CTBP2: variants seen among roughly 807,000 people sequenced by gnomAD.
The protein encoded by CTBP2 is C-terminal-binding protein 2.
CTBP2 carries 30 observed loss-of-function variants against 80.3 expected under a neutral mutation model. The observed-to-expected ratio is 0.37, with a 90% CI of 0.28 to 0.51. The LOEUF (loss-of-function observed/expected upper bound fraction) is 0.51. CTBP2 is among the 20% of genes least tolerant of loss of function. The pLI, the probability that CTBP2 is intolerant of heterozygous loss-of-function variation, is 0.93. For synonymous variants in CTBP2, 594 were observed against 587.4 expected (o/e 1.01, Z -0.16); for missense variants, 1,212 against 1,375.3 (o/e 0.88, Z 1.88).
intron 2 of CTBP2, among the ~76,000 whole-genome samples, chr10:125,043,117 G>A (rs1483606695): frequency 1.3e-5 from 2 of 152,228 alleles, no homozygotes; most frequent in Admixed American, 6.5e-5. Context: ...GACGGGTATG[G>A]AAGATTTGTT....
intron 3 of CTBP2, chr10:124,998,452 C>G (rs1423883788): frequency 4.3e-6 from 2 of 470,258 alleles, no homozygotes; most frequent in Non-Finnish European, 7.8e-6. Flanking sequence ...TTGGGCCTGA[C>G]TGGCTTCCTC....
intron 1 of CTBP2, among the ~76,000 whole-genome samples, chr10:125,147,974 T>C (rs1859103848): frequency 6.6e-6 from 1 of 152,156 alleles, no homozygotes; most frequent in Non-Finnish European, 1.5e-5. Flanking sequence ...ACTACTTCAT[T>C]GAATCCTTAC....
chr10:125,050,930 G>A, intron 2 of CTBP2, among the ~76,000 whole-genome samples: 1 of 152,172 alleles, frequency 6.6e-6, no homozygotes, highest in Non-Finnish European at 1.5e-5. Flanking sequence ...AAGTCCTCTG[G>A]AGAGGGAGAC....
At chr10:125,123,459 G>C (rs1352273661) in intron 1 of CTBP2, among the ~76,000 whole-genome samples, 1 of 152,208 alleles carries the variant, frequency 6.6e-6, no homozygotes, top group Non-Finnish European at 1.5e-5. Context: ...CTCCTACCCT[G>C]TGAATTCATT....
At chr10:124,993,718 CAG>C (rs1953040373) in intron 6 of CTBP2, 135 bp downstream of exon 8, 1 of 1,127,992 alleles carries the variant, frequency 8.9e-7, no homozygotes. Flanking sequence ...CTTAGAAGAA[CAG>C]AGACTGTAAA....
chr10:125,004,398 G>A (rs901139977), intron 1 of CTBP2, among the ~76,000 whole-genome samples: 1 of 152,314 alleles, frequency 6.6e-6, no homozygotes, highest in Middle Eastern at 3.4e-3. Flanking sequence ...ATTCTGTGCA[G>A]CAAACCCAGC....
intron 2 of CTBP2, among the ~76,000 whole-genome samples, chr10:125,077,421 T>C (rs1846435511): frequency 6.6e-6 from 1 of 152,092 alleles, no homozygotes; most frequent in South Asian, 2.1e-4. Context: ...GTGACTCCCT[T>C]ATCTGTGTTC....
intron 2 of CTBP2, among the ~76,000 whole-genome samples, chr10:125,051,696 C>T (rs1208452558): frequency 2.0e-5 from 3 of 151,858 alleles, no homozygotes; most frequent in Non-Finnish European, 4.4e-5. Context: ...ATTAAATGCC[C>T]ACAGGTCACA....
At chr10:125,093,242 G>A (rs1849051143) in intron 2 of CTBP2, among the ~76,000 whole-genome samples, 1 of 152,196 alleles carries the variant, frequency 6.6e-6, no homozygotes, top group South Asian at 2.1e-4. Flanking sequence ...TTCTACTCCA[G>A]CAATCTGAGG....
At chr10:125,085,961 C>T (rs981253825) in intron 2 of CTBP2, among the ~76,000 whole-genome samples, 5 of 152,244 alleles carry the variant, frequency 3.3e-5, no homozygotes, top group Admixed American at 2.0e-4. Flanking sequence ...GCCCTGGGTA[C>T]AGCCCCTCGG....
At chr10:125,095,706 C>A (rs1259210010) in intron 2 of CTBP2, among the ~76,000 whole-genome samples, 1 of 152,198 alleles carries the variant, frequency 6.6e-6, no homozygotes, top group Non-Finnish European at 1.5e-5. Context: ...GATGTCCTGA[C>A]CTCAAAACTA....
At chr10:125,147,710 C>G (rs942764204) in intron 1 of CTBP2, among the ~76,000 whole-genome samples, 42 of 152,200 alleles carry the variant, frequency 2.8e-4, no homozygotes, top group African/African-American at 9.9e-4. Flanking sequence ...GCAGTCCGGG[C>G]AACATGGCAA....
chr10:125,105,743 C>T (rs1164310697), intron 2 of CTBP2, among the ~76,000 whole-genome samples: 3 of 152,288 alleles, frequency 2.0e-5, no homozygotes, highest in African/African-American at 7.2e-5. Context: ...GCAATGGTAA[C>T]GCATAAATGT....
upstream of CTBP2, among the ~76,000 whole-genome samples, chr10:125,029,547 A>G (rs1013408076): frequency 1.3e-5 from 2 of 152,212 alleles, no homozygotes; most frequent in Admixed American, 6.5e-5. Context: ...GGCATGAGCC[A>G]CTGCGCCTGG....
intron 1 of CTBP2, among the ~76,000 whole-genome samples, chr10:125,025,145 G>GA (rs55905611): frequency 4.4e-4 from 66 of 149,924 alleles, no homozygotes; most frequent in Non-Finnish European, 6.1e-4. Flanking sequence ...AGCTATTCAG[G>GA]AAAAAAAAAA....
intron 2 of CTBP2, among the ~76,000 whole-genome samples, chr10:125,096,783 G>C (rs970022592): frequency 6.7e-6 from 1 of 149,632 alleles, no homozygotes; most frequent in South Asian, 2.1e-4. Context: ...GGTTTAATGG[G>C]GGGGTGGGGG....
Position 125,027,236 on chromosome 10 carries a change from T to C in CTBP2, c.524A>G (p.Gln175Arg), listed in dbSNP as rs768911599. 6.2e-7 allele frequency: 1 copy of C among 1,606,630 alleles called. No individual in the cohort carries two copies. The highest frequency in any genetic ancestry group is 2.2e-5 in the East Asian group (1 of 44,864). ...AGCCCTGCTCTGTGTCTGCCGCCCC[T>C]GAGGGATCATTTTACCTCCAGGATC... Residue 175 changes from glutamine to arginine, a missense_variant, in exon 1 of 9, where the codon CAG becomes CGG. Around this residue, in one of 3 missense-constraint regions of CTBP2, gnomAD observed 848 missense variants for 782.3 expected, o/e 1.08. Coordinates refer to ENST00000309035, the MANE Select transcript of CTBP2 (RefSeq NM_022802.3).
intron 2 of CTBP2, among the ~76,000 whole-genome samples, chr10:125,043,239 A>C (rs1189134116): frequency 6.6e-6 from 1 of 152,164 alleles, no homozygotes; most frequent in African/African-American, 2.4e-5. Flanking sequence ...ACATATCCAG[A>C]ATCAAGGGCA....
intron 3 of CTBP2, among the ~76,000 whole-genome samples, chr10:125,002,516 G>A (rs1041713741): frequency 5.9e-5 from 9 of 152,212 alleles, no homozygotes; most frequent in East Asian, 5.8e-4. Context: ...CTCCCAGAAC[G>A]GGAGGCCCAG....
Sources: allele counts gnomAD v4.1 joint callset (sites outside exome capture counted in the v4.1 genomes callset), GRCh38; gene constraint gnomAD v4.1.1; regional missense constraint gnomAD v4.1.1; transcripts MANE v1.5; gene names NCBI Gene and HGNC (gene_info 2026-07-23, HGNC 2026-07-21).